The following CASP8 variants were observed in gnomAD, a reference collection of about 807,000 sequenced individuals.
The protein encoded by CASP8 is caspase 8, also known as caspase-8.
Under a neutral mutation model 46.3 loss-of-function variants are expected in CASP8, and 24 were observed. The observed-to-expected ratio is 0.52, with a 90% CI of 0.38 to 0.73. CASP8 has a LOEUF of 0.73. Ranked by LOEUF, CASP8 falls within the 30% of genes least tolerant of loss-of-function variation. CASP8 has a pLI of 0.00. For missense variants in CASP8, 460 were observed against 559.0 expected, an observed-to-expected ratio of 0.82 and a Z score of 1.79; for synonymous variants, 188 against 200.4, an observed-to-expected ratio of 0.94 and a Z score of 0.52.
rs1156947352 is a variant in CASP8 at position 201,286,796 on chromosome 2, T to C, written c.*202T>C. On this transcript the variant is annotated 3_prime_UTR_variant, in exon 9 of 9. Transcript: ENST00000673742. ...ACACCTGGCTAATTTTTTAAAAATATTTTTAGTAGAGACAGGGTTTCACTG... is the reference window on the plus strand; with the variant it reads ...ACACCTGGCTAATTTTTTAAAAATACTTTTAGTAGAGACAGGGTTTCACTG... The C allele has an allele frequency of 2.1e-6, 1 of 476,880 alleles. No homozygotes were observed. Among genetic ancestry groups the C allele is most frequent in the Non-Finnish European group, 3.8e-6 (1 of 260,576 alleles). The allele number at this position is 476,880 out of a possible 1,614,324, so 29.5% of individuals were successfully genotyped here.
chr2:201,279,064 G>C (rs1365507948), intron 7 of CASP8, among the ~76,000 whole-genome samples: 1 of 152,140 alleles, frequency 6.6e-6, no homozygotes, highest in Non-Finnish European at 1.5e-5. Flanking sequence ...AACACGGAAA[G>C]GAGGCAAGCC....
chr2:201,261,782 G>C (rs1947437552), intron 1 of CASP8, among the ~76,000 whole-genome samples: 1 of 152,196 alleles, frequency 6.6e-6, no homozygotes, highest in Admixed American at 6.5e-5. Context: ...ATGAGATGCA[G>C]GTTTCTGCTT....
At chr2:201,283,164 G>C (rs1949240437) in intron 7 of CASP8, among the ~76,000 whole-genome samples, 1 of 68,770 alleles carries the variant, frequency 1.5e-5, no homozygotes, top group African/African-American at 4.9e-5. Context: ...CCCAGTAGGG[G>C]CGGCCGGGCA....
chr2:201,273,162 A>G (rs527741428), intron 5 of CASP8, among the ~76,000 whole-genome samples: 2 of 151,910 alleles, frequency 1.3e-5, no homozygotes, highest in African/African-American at 2.4e-5. Flanking sequence ...GGTTCAAGCA[A>G]TTCTCCTGCC....
At chr2:201,265,498 G>A (rs1022230628) in intron 1 of CASP8, among the ~76,000 whole-genome samples, 1 of 152,168 alleles carries the variant, frequency 6.6e-6, no homozygotes, top group East Asian at 1.9e-4. Flanking sequence ...TGGTGGGGTT[G>A]AATGGGAGGT....
At chr2:201,240,501 CTCAATA>C (rs1263400696) in intron 2 of CASP8, 2 of 152,156 alleles carry the variant, frequency 1.3e-5, no homozygotes. Flanking sequence ...AATATATGCA[CTCAATA>C]TCAGAGCACC....
At chr2:201,282,799 G>A (rs1350583018) in intron 7 of CASP8, among the ~76,000 whole-genome samples, 1 of 89,956 alleles carries the variant, frequency 1.1e-5, no homozygotes. Flanking sequence ...CCCGGACGGG[G>A]CAGCCGGCCG....
chr2:201,275,777 C>A (rs924231710), intron 6 of CASP8, among the ~76,000 whole-genome samples: 1 of 152,090 alleles, frequency 6.6e-6, no homozygotes, highest in Non-Finnish European at 1.5e-5. Flanking sequence ...GGTCTTGCTA[C>A]GTTGCCAAGC....
chr2:201,282,170 T>C (rs1181204505), intron 7 of CASP8, among the ~76,000 whole-genome samples: 5 of 53,282 alleles, frequency 9.4e-5, no homozygotes, highest in Admixed American at 3.1e-4. Context: ...AGCATCTGTT[T>C]AACAAAGCAC....
intron 2 of CASP8, among the ~76,000 whole-genome samples, chr2:201,238,522 A>G (rs1382921882): frequency 6.6e-6 from 1 of 151,512 alleles, no homozygotes; most frequent in African/African-American, 2.4e-5. Context: ...GCTCACTGCA[A>G]CCTCCGCCTC....
intron 7 of CASP8, 36 bp downstream of exon 7, chr2:201,277,004 T>C (rs1210327135): frequency 1.2e-5 from 17 of 1,472,076 alleles, no homozygotes; most frequent in Non-Finnish European, 1.6e-5. Context: ...GTAAAATATT[T>C]CTTATGCCTA....
chr2:201,258,030 C>A (rs374599916), upstream of CASP8: 24 of 603,184 alleles, frequency 4.0e-5, no homozygotes, highest in South Asian at 4.5e-4. Context: ...ATTTCTTGTT[C>A]GAGTGAGTCA....
rs1168261695 is a variant in CASP8 at position 201,247,366 on chromosome 2, C to T, written c.-27+13254C>T. Among the ~76,000 whole-genome samples the T allele has an allele frequency of 3.3e-5, 5 of 152,130 alleles. No homozygotes were observed. The East Asian group carries it at 5.8e-4, about 18-fold the overall frequency. ...GCTTCTGGAGCCTACTGAGAGCTCA[C>T]TGGGTCCCCATAGCATCCATGCTGA... is the stretch of plus-strand genomic sequence containing the variant. On this transcript the variant is annotated intron_variant, in intron 2 of 6. Transcript: ENST00000264274.
intron 7 of CASP8, among the ~76,000 whole-genome samples, chr2:201,279,741 T>G (rs1409756807): frequency 6.6e-6 from 1 of 152,142 alleles, no homozygotes; most frequent in Non-Finnish European, 1.5e-5. Context: ...TCGCCTGAGG[T>G]CAGGAGTTCA....
intron 5 of CASP8, 69 bp from the exon 6 acceptor site, chr2:201,274,820 A>T: frequency 8.5e-7 from 1 of 1,175,334 alleles, no homozygotes; most frequent in Non-Finnish European, 1.3e-6. Context: ...CCTATGTGCT[A>T]CATATTTCAT....
chr2:201,276,930 A>C lies in CASP8; in HGVS notation c.764A>C (p.His255Pro). 3 of 1,614,106 alleles carry C rather than the reference A, an allele frequency of 1.9e-6. No individual in the cohort carries two copies. The highest frequency in any genetic ancestry group is 2.5e-6 in the Non-Finnish European group (3 of 1,179,924). ...AKAREKVPKL[H>P]SIRDRNGTHL... ...GCACGGGAGAAAGTGCCCAAACTTC[A>C]CAGCATTAGGGACAGGAATGGAACA... The change falls in exon 7 of 9, where the codon CAC becomes CCC. Residue 255 changes from histidine to proline, a missense_variant. By Grantham distance (77) the His-to-Pro change is moderately conservative. Coordinates refer to ENST00000673742, the MANE Select transcript of CASP8 (RefSeq NM_001372051.1).
In CASP8 at chr2:201,284,892, T is replaced by A. The variant is rs1457092267; in HGVS notation, c.879T>A (p.Tyr293Ter). 2 of 1,613,096 alleles carry A rather than the reference T, an allele frequency of 1.2e-6. No homozygotes were observed. Among genetic ancestry groups the A allele is most frequent in the Non-Finnish European group, 1.7e-6 (2 of 1,179,060 alleles). Residue 293 changes from tyrosine to a stop codon, truncating the protein, a stop_gained, in exon 8 of 9, where the codon TAT (tyrosine) becomes TAA (stop). Transcript: ENST00000673742. LOFTEE classifies it high-confidence loss of function. ...ATGACTGCACAGTAGAGCAAATCTA[T>A]GAGATTTTGAAAATCTACCAACTCA... Reference protein sequence around the residue: ...PHDDCTVEQIYEILKIYQLMD... With the variant: ...PHDDCTVEQI
chr2:201,285,943 A>C (rs1949536703), intron 8 of CASP8, among the ~76,000 whole-genome samples: 1 of 152,214 alleles, frequency 6.6e-6, no homozygotes, highest in South Asian at 2.1e-4. Flanking sequence ...TAGATCATGA[A>C]TCCTGCAAGG....
Position 201,268,457 on chromosome 2 carries a change from A to T in CASP8, c.305+1666A>T, listed in dbSNP as rs139803410. On this transcript the variant is annotated intron_variant, in intron 2 of 8. Coordinates refer to ENST00000673742, the MANE Select transcript of CASP8 (RefSeq NM_001372051.1). ...TCCCAGCTACTTGGGAGGCTGAGGC[A>T]GGAGAATTGCTTGAACCCAGGAGGT... Among the ~76,000 whole-genome samples the T allele has an allele frequency of 6.9e-3, 1,051 of 152,138 alleles. 30 individuals carry two copies. The highest frequency in any genetic ancestry group is 0.056 in the East Asian group (284 of 5,104).
Sources: gnomAD v4.1 joint callset for allele counts (sites outside exome capture counted in the v4.1 genomes callset) on GRCh38, gnomAD v4.1.1 for gene constraint, MANE v1.5 for transcripts, NCBI Gene and HGNC (gene_info 2026-07-23, HGNC 2026-07-21) for gene names.